Variants in TRPM3 observed in about 807,000 individuals in gnomAD.
The protein encoded by TRPM3 is long transient receptor potential channel 3.
TRPM3 carries 77 observed loss-of-function variants against 181.2 expected under a neutral mutation model. The observed-to-expected ratio is 0.42, with a 90% confidence interval of 0.35 to 0.51. TRPM3 has a LOEUF of 0.51. Ranked by LOEUF, TRPM3 falls within the 20% of genes least tolerant of loss-of-function variation. The pLI, the probability that TRPM3 is intolerant of heterozygous loss-of-function variation, is 0.01. For synonymous variants in TRPM3, 745 were observed against 796.4 expected (o/e 0.94, Z 1.09); for missense variants, 1,759 against 2,196.7 (o/e 0.80, Z 3.98).
intron 6 of TRPM3, chr9:70,793,813 T>G: frequency 3.0e-6 from 1 of 337,648 alleles, no homozygotes; most frequent in East Asian, 7.6e-5. Context: ...CTTCTAGTAC[T>G]CATACCACCA....
intron 25 of TRPM3, among the ~76,000 whole-genome samples, chr9:70,545,900 C>G (rs1212088489): frequency 1.3e-5 from 2 of 152,286 alleles, no homozygotes; most frequent in Admixed American, 6.5e-5. Context: ...AGACTGGTAG[C>G]ATAGGCAGTT....
At position 71,029,337 on chromosome 9, in the gene TRPM3, T is replaced by A. The variant is rs139283102; in HGVS notation, c.177+91841A>T. Among the ~76,000 whole-genome samples the A allele has an allele frequency of 4.9e-3, 753 of 152,170 alleles. 18 individuals carry two copies. In the East Asian group the frequency reaches 0.078, roughly 16 times the overall value. ...CCAAAGTACTCACATGAAGAGAGAA[T>A]AAAAGATAAAATACTAATAAAAATA... On this transcript the variant is annotated intron_variant, in intron 1 of 25. Transcript: ENST00000677713.
intron 1 of TRPM3, among the ~76,000 whole-genome samples, chr9:71,015,159 A>T (rs775730146): frequency 6.6e-6 from 1 of 152,178 alleles, no homozygotes; most frequent in Non-Finnish European, 1.5e-5. Flanking sequence ...TAGATGGGCT[A>T]CTGTTTAAAA....
intron 12 of TRPM3, among the ~76,000 whole-genome samples, chr9:70,633,139 C>G (rs769262787): frequency 1.3e-5 from 2 of 152,164 alleles, no homozygotes; most frequent in Non-Finnish European, 2.9e-5. Flanking sequence ...GCATAGCTGT[C>G]TCTTTAGAAA....
intron 1 of TRPM3, among the ~76,000 whole-genome samples, chr9:71,229,732 G>C (rs558549196): frequency 2.6e-5 from 4 of 152,052 alleles, no homozygotes; most frequent in African/African-American, 7.2e-5. Flanking sequence ...ACTACAGTAA[G>C]GTATCACCTC....
chr9:71,210,797 A>G (rs781514151), intron 1 of TRPM3, among the ~76,000 whole-genome samples: 2 of 152,154 alleles, frequency 1.3e-5, no homozygotes, highest in African/African-American at 2.4e-5. Context: ...ATGAAAAGGG[A>G]AAGTCTAAGG....
chr9:71,204,539 T>C (rs1341862309), intron 1 of TRPM3, among the ~76,000 whole-genome samples: 11 of 152,066 alleles, frequency 7.2e-5, no homozygotes, highest in South Asian at 4.2e-4. Flanking sequence ...GTTAGAATGG[T>C]GATCATTAAA....
chr9:70,898,617 G>T (rs113565403), intron 1 of TRPM3, among the ~76,000 whole-genome samples: 6,225 of 150,038 alleles, frequency 0.041, 193 homozygotes, highest in African/African-American at 0.086. Flanking sequence ...GCATGTTTGT[G>T]CGTGCCTGTA....
chr9:71,197,718 G>A (rs1203710997), intron 1 of TRPM3, among the ~76,000 whole-genome samples: 1 of 151,094 alleles, frequency 6.6e-6, no homozygotes, highest in Admixed American at 6.6e-5. Context: ...TGATGGGGTT[G>A]TTTGTTTTTT....
intron 15 of TRPM3, 27 bp from the exon 16 acceptor site, chr9:70,620,392 C>G: frequency 1.3e-6 from 2 of 1,584,206 alleles, no homozygotes; most frequent in Non-Finnish European, 1.7e-6. Flanking sequence ...ACCACACAGA[C>G]TGAGTTAGAA....
chr9:70,885,029 T>C (rs1419763179), intron 1 of TRPM3, among the ~76,000 whole-genome samples: 1 of 152,172 alleles, frequency 6.6e-6, no homozygotes, highest in Non-Finnish European at 1.5e-5. Flanking sequence ...CCTCCTGACG[T>C]CTACTTGCAA....
At chr9:70,928,341 A>C (rs2096741876) in intron 1 of TRPM3, among the ~76,000 whole-genome samples, 2 of 152,180 alleles carry the variant, frequency 1.3e-5, no homozygotes, top group African/African-American at 4.8e-5. Flanking sequence ...CTTTCTAAAA[A>C]TTGCCTTCTC....
intron 1 of TRPM3, among the ~76,000 whole-genome samples, chr9:70,923,907 CACATATAT>C (rs1233430178): frequency 3.7e-5 from 4 of 107,210 alleles, no homozygotes; most frequent in South Asian, 3.1e-4. Flanking sequence ...CATACACACA[CACATATAT>C]ACATATATAC....
At chr9:71,446,936 G>A (rs2094211539), upstream of TRPM3, 3 of 1,243,146 alleles carry the variant, frequency 2.4e-6, no homozygotes, top group Admixed American at 3.3e-5. Context: ...GCTCTCGGTT[G>A]GCGCTGCCTT....
intron 1 of TRPM3, among the ~76,000 whole-genome samples, chr9:71,286,082 C>CT (rs1233555176): frequency 2.0e-5 from 3 of 152,110 alleles, no homozygotes; most frequent in Non-Finnish European, 1.5e-5. Flanking sequence ...AAATCAAGGG[C>CT]TCCACATCTG....
intron 1 of TRPM3, among the ~76,000 whole-genome samples, chr9:71,296,644 T>A (rs2086281765): frequency 6.6e-6 from 1 of 152,102 alleles, no homozygotes. Flanking sequence ...CTAATGCACT[T>A]GAGCCCTAGG....
In TRPM3 at chr9:71,188,496, TACC is replaced by T. The variant is rs555145623; in HGVS notation, c.183+258154_183+258156del. Among the ~76,000 whole-genome samples, 549 of 152,046 alleles carry T rather than the reference TACC, an allele frequency of 3.6e-3. 3 individuals are homozygous for T. The highest frequency in any genetic ancestry group is 3.4e-3 in the Non-Finnish European group (233 of 67,904). On this transcript the variant is annotated intron_variant, in intron 1 of 24. Coordinates refer to the TRPM3 transcript ENST00000357533. Reference sequence around the variant, plus strand: ...TAATCTGTGGATAATATTTTGATGCTACCACATGGTATTTATTATTATAAATAC... The same window carrying T: ...TAATCTGTGGATAATATTTTGATGCTACATGGTATTTATTATTATAAATAC...
intron 1 of TRPM3, among the ~76,000 whole-genome samples, chr9:71,310,443 C>T (rs1284383252): frequency 6.6e-6 from 1 of 151,986 alleles, no homozygotes; most frequent in African/African-American, 2.4e-5. Context: ...TAGGCAACAT[C>T]TGTGGTTATT....
intron 1 of TRPM3, among the ~76,000 whole-genome samples, chr9:71,063,976 G>C (rs1369542882): frequency 6.6e-6 from 1 of 151,992 alleles, no homozygotes; most frequent in Non-Finnish European, 1.5e-5. Flanking sequence ...TGGAAACATA[G>C]GAAGGGGAAA....
Sources: allele counts gnomAD v4.1 joint callset (sites outside exome capture counted in the v4.1 genomes callset), GRCh38; gene constraint gnomAD v4.1.1; transcripts MANE v1.5; gene names NCBI Gene and HGNC (gene_info 2026-07-23, HGNC 2026-07-21).